Variants in HECW2 observed in about 807,000 individuals in gnomAD.
HECW2 encodes HECT, C2 and WW domain containing E3 ubiquitin protein ligase 2.
In HECW2, 61 loss-of-function variants were observed where a neutral mutation model predicts 175.2. The ratio of observed to expected loss-of-function variants is 0.35; its 90% CI spans 0.28 to 0.43. HECW2 has a LOEUF of 0.43. Ranked by LOEUF, HECW2 falls within the 20% of genes least tolerant of loss-of-function variation. The pLI is 1.00. For missense variants in HECW2, 1,524 were observed against 2,000.5 expected (o/e 0.76, Z 4.54); for synonymous variants, 671 against 731.0 (o/e 0.92, Z 1.32).
chr2:196,211,243 C>T (rs1354371334), intron 28 of HECW2, among the ~76,000 whole-genome samples: 1 of 152,190 alleles, frequency 6.6e-6, no homozygotes, highest in Non-Finnish European at 1.5e-5. Flanking sequence ...TGGTGGGAGA[C>T]AGGACTGCTC....
At chr2:196,255,487 A>G (rs1689022012) in intron 18 of HECW2, among the ~76,000 whole-genome samples, 1 of 152,198 alleles carries the variant, frequency 6.6e-6, no homozygotes, top group African/African-American at 2.4e-5. Flanking sequence ...CATGAAACAC[A>G]AAAATCAATA....
At chr2:196,504,820 A>G (rs1687698089) in intron 1 of HECW2, among the ~76,000 whole-genome samples, 1 of 152,202 alleles carries the variant, frequency 6.6e-6, no homozygotes, top group South Asian at 2.1e-4. Context: ...TGCTTTTTAC[A>G]TAGATTATCT....
Position 196,317,296 on chromosome 2 carries a change from C to T in HECW2, c.2412G>A (p.Arg804=), listed in dbSNP as rs534565712. The T allele has an allele frequency of 6.2e-7, 1 of 1,613,150 alleles. No individual in the cohort carries two copies. Among genetic ancestry groups the T allele is most frequent in the Admixed American group, 1.7e-5 (1 of 59,930 alleles). The change falls in exon 10 of 29, where the codon AGG becomes AGA. Residue 804 remains arginine (R), a synonymous_variant. Transcript: ENST00000644978. ...SVRQDVSRYQ[R]VDEALPPNWE... is the part of the protein sequence containing the mutation. Reference sequence around the variant, plus strand: ...CACTTGGTGGGAGAGCCTCGTCCACCCTCTGGTACCGGCTAACATCCTGGC... The same window carrying T: ...CACTTGGTGGGAGAGCCTCGTCCACTCTCTGGTACCGGCTAACATCCTGGC...
chr2:196,500,279 G>A (rs1246764976), intron 1 of HECW2, among the ~76,000 whole-genome samples: 1 of 152,002 alleles, frequency 6.6e-6, no homozygotes, highest in Non-Finnish European at 1.5e-5. Flanking sequence ...TGGGAGGGGA[G>A]GGAAAGAAAT....
intron 15 of HECW2, among the ~76,000 whole-genome samples, chr2:196,275,639 C>A (rs1186094485): frequency 6.6e-6 from 1 of 152,052 alleles, no homozygotes; most frequent in Non-Finnish European, 1.5e-5. Flanking sequence ...GTAGTCCCAG[C>A]TACTCGGGAG....
At chr2:196,294,765 T>C (rs1390025686) in intron 13 of HECW2, among the ~76,000 whole-genome samples, 1 of 152,130 alleles carries the variant, frequency 6.6e-6, no homozygotes, top group Non-Finnish European at 1.5e-5. Context: ...CTCTAGAGCT[T>C]TCTTCCCTTT....
intron 3 of HECW2, among the ~76,000 whole-genome samples, chr2:196,343,070 T>TTG (rs36014519): frequency 0.24 from 36,081 of 148,626 alleles, 5,155 homozygotes; most frequent in African/African-American, 0.41. Flanking sequence ...ATGTGTATGT[T>TTG]TGTGTGTGTG....
chr2:196,471,582 T>G (rs943033538), intron 1 of HECW2, among the ~76,000 whole-genome samples: 16 of 152,074 alleles, frequency 1.1e-4, no homozygotes, highest in Admixed American at 6.6e-4. Flanking sequence ...CCATCAACAG[T>G]AGACTGGATG....
At chr2:196,292,502 G>C (rs879506292) in intron 14 of HECW2, 63 bp downstream of exon 14, 4 of 1,423,768 alleles carry the variant, frequency 2.8e-6, no homozygotes, top group Non-Finnish European at 3.9e-6. Context: ...GTAGGGCCAA[G>C]TGTCGAAGCC....
At position 196,254,023 on chromosome 2, in the gene HECW2, A is replaced by C. The variant is rs778887618; in HGVS notation, c.3426T>G (p.Phe1142Leu). Reference sequence around the variant, plus strand: ...GCACATACGACATTATCTCTTCTTCAAATAAGCTGGGGAAAGACAAGAAAC... The same window carrying C: ...GCACATACGACATTATCTCTTCTTCCAATAAGCTGGGGAAAGACAAGAAAC... ...DADLVMLLSL[F>L]EEEIMSYVPP... is the part of the protein sequence containing the mutation. The change falls in exon 19 of 29, where the codon TTT (phenylalanine) becomes TTG (leucine). Residue 1142 changes from phenylalanine (F) to leucine (L), a missense_variant. By Grantham distance (22) the Phe-to-Leu change is conservative. This residue lies in a region of HECW2 where 291 missense variants were observed against 412.2 expected (regional missense o/e 0.71). Coordinates refer to ENST00000644978, the MANE Select transcript of HECW2 (RefSeq NM_001348768.2). 3 of 1,613,398 alleles carry C rather than the reference A, an allele frequency of 1.9e-6. No individual in the cohort carries two copies. In the African/African-American group the frequency reaches 4.0e-5, roughly 22 times the overall value.
chr2:196,442,329 A>G (rs575334594), intron 1 of HECW2, among the ~76,000 whole-genome samples: 5 of 152,230 alleles, frequency 3.3e-5, no homozygotes, highest in Non-Finnish European at 7.3e-5. Flanking sequence ...ATTGAAAAGC[A>G]GTAGTACTCA....
chr2:196,384,645 A>G (rs970068603), intron 2 of HECW2, among the ~76,000 whole-genome samples: 11 of 152,218 alleles, frequency 7.2e-5, no homozygotes, highest in African/African-American at 1.4e-4. Flanking sequence ...AGAGTTATTC[A>G]TAAGTATTTA....
intron 1 of HECW2, among the ~76,000 whole-genome samples, chr2:196,556,556 T>C (rs1176534563): frequency 6.6e-6 from 1 of 152,228 alleles, no homozygotes; most frequent in Non-Finnish European, 1.5e-5. Flanking sequence ...CCTGGCATAT[T>C]TCACTTAGCA....
chr2:196,462,089 T>C, intron 1 of HECW2, among the ~76,000 whole-genome samples: 2 of 152,260 alleles, frequency 1.3e-5, no homozygotes, highest in Middle Eastern at 3.4e-3. Context: ...TGTACACATT[T>C]AGAAACAGGT....
chr2:196,404,819 CTTTTTTTT>C (rs71012909), intron 2 of HECW2, among the ~76,000 whole-genome samples: 2 of 80,378 alleles, frequency 2.5e-5, no homozygotes, highest in Non-Finnish European at 2.2e-5. Flanking sequence ...TTTTTCTTCT[CTTTTTTTT>C]TTTTTTTTTT....
chr2:196,559,556 C>T (rs977049995), intron 1 of HECW2, among the ~76,000 whole-genome samples: 3 of 152,158 alleles, frequency 2.0e-5, no homozygotes, highest in African/African-American at 4.8e-5. Flanking sequence ...ATGGAACAGA[C>T]GAGGCTCTAC....
rs140276005 is a variant in HECW2 at position 196,565,609 on chromosome 2, T to C, written c.-36+27899A>G. On this transcript the variant is annotated intron_variant, in intron 1 of 28. Transcript: ENST00000644978. ...AGTGAAAAATCTCTGAATAACTTCC[T>C]AGTCACTTTTCATCTTTGCTTCTTG... Among the ~76,000 whole-genome samples, 44 of 152,316 alleles carry C rather than the reference T, an allele frequency of 2.9e-4. No homozygotes were observed. The East Asian group carries it at 8.3e-3, about 29-fold the overall frequency.
Position 196,228,084 on chromosome 2 carries a change from T to TG in HECW2, c.3917+17dup. Reference sequence around the variant, plus strand: ...TAGGAAATCGCCTGAAGAAAAGTGTTGGGGAAAAAATACTTACCATTCATG... The same window carrying TG: ...TAGGAAATCGCCTGAAGAAAAGTGTTGGGGGAAAAAATACTTACCATTCATG... On this transcript the variant is annotated intron_variant, in intron 22 of 28. Coordinates refer to ENST00000644978, the MANE Select transcript of HECW2 (RefSeq NM_001348768.2). 1.3e-6 allele frequency: 2 copies of TG among 1,507,984 alleles called. No individual in the cohort carries two copies. Among genetic ancestry groups the TG allele is most frequent in the Non-Finnish European group, 1.8e-6 (2 of 1,125,732 alleles). 93.4% of individuals were successfully genotyped at this position (1,507,984 alleles called of 1,614,324 possible).
At chr2:196,291,597 T>C (rs958335303) in intron 14 of HECW2, 1 of 152,194 alleles carries the variant, frequency 6.6e-6, no homozygotes, top group Admixed American at 6.5e-5. Context: ...AGACTTTTTA[T>C]AGACAGAGAA....
Sources: gnomAD v4.1 joint callset for allele counts (sites outside exome capture counted in the v4.1 genomes callset) on GRCh38, gnomAD v4.1.1 for gene constraint, gnomAD v4.1.1 regional missense constraint, MANE v1.5 for transcripts, NCBI Gene and HGNC (gene_info 2026-07-23, HGNC 2026-07-21) for gene names.